Variants in TLL1 observed in about 807,000 individuals in gnomAD.
The protein encoded by TLL1 is tolloid-like protein 1.
TLL1 carries 49 observed loss-of-function variants against 128.2 expected under a neutral mutation model. That is an observed-to-expected ratio of 0.38 (90% CI 0.30 to 0.48). The LOEUF (loss-of-function observed/expected upper bound fraction) is 0.48. TLL1 is among the 20% of genes least tolerant of loss of function. The probability of loss-of-function intolerance (pLI) is 0.96; values close to 1 mark genes in which losing one functional copy is unlikely to be tolerated. For synonymous variants in TLL1, 454 were observed against 418.8 expected (o/e 1.08, Z -1.03); for missense variants, 1,123 against 1,242.0 (o/e 0.90, Z 1.44).
intron 1 of TLL1, among the ~76,000 whole-genome samples, chr4:165,985,391 T>C (rs1736350863): frequency 6.6e-6 from 1 of 152,030 alleles, no homozygotes; most frequent in South Asian, 2.1e-4. Context: ...CTTGAGGATA[T>C]TTGGTTTCCA....
intron 19 of TLL1, among the ~76,000 whole-genome samples, chr4:166,094,437 A>C (rs1460229007): frequency 6.6e-6 from 1 of 152,074 alleles, no homozygotes; most frequent in Admixed American, 6.5e-5. Flanking sequence ...ATCTTTTCAA[A>C]ATATATAAGT....
chr4:166,041,829 T>C lies in TLL1; in HGVS notation c.1262-198T>C, dbSNP rs142874758. On this transcript the variant is annotated intron_variant, in intron 10 of 20. Transcript: ENST00000061240. ...TACTCTGAGGCTGATGGTCAAATACTTTATAAATATATATGAAGACATTGT... is the reference window on the plus strand; with the variant it reads ...TACTCTGAGGCTGATGGTCAAATACCTTATAAATATATATGAAGACATTGT... Among the ~76,000 whole-genome samples, 284 of 152,352 alleles carry C rather than the reference T, an allele frequency of 1.9e-3. 5 individuals carry two copies. Among genetic ancestry groups the C allele is most frequent in the Admixed American group, 0.017 (253 of 15,294 alleles).
intron 1 of TLL1, among the ~76,000 whole-genome samples, chr4:165,889,033 C>T (rs1316279991): frequency 1.3e-5 from 2 of 152,200 alleles, no homozygotes; most frequent in Non-Finnish European, 2.9e-5. Context: ...ATATTTCACT[C>T]TTCTGTCATC....
At chr4:166,071,007 C>T (rs1169911485) in intron 16 of TLL1, among the ~76,000 whole-genome samples, 1 of 151,730 alleles carries the variant, frequency 6.6e-6, no homozygotes, top group Non-Finnish European at 1.5e-5. Flanking sequence ...TGTTGTAGCT[C>T]TCGTAGTGTT....
intron 1 of TLL1, among the ~76,000 whole-genome samples, chr4:165,969,179 A>G (rs975853357): frequency 1.3e-5 from 2 of 152,064 alleles, no homozygotes; most frequent in South Asian, 2.1e-4. Context: ...TGGAAATTTT[A>G]TCTTGCCAAT....
intron 12 of TLL1, among the ~76,000 whole-genome samples, chr4:166,046,793 G>T (rs1739477153): frequency 6.6e-6 from 1 of 152,168 alleles, no homozygotes; most frequent in African/African-American, 2.4e-5. Flanking sequence ...ACAAAATGTT[G>T]TGACTAGAAT....
At chr4:166,086,077 G>A (rs369714306) in intron 18 of TLL1, among the ~76,000 whole-genome samples, 45 of 152,082 alleles carry the variant, frequency 3.0e-4, no homozygotes, top group East Asian at 1.2e-3. Context: ...TGATCTAGCA[G>A]TTATAGATAA....
chr4:166,096,905 T>C lies in TLL1; in HGVS notation c.2657-2372T>C, dbSNP rs1028057287. Among the ~76,000 whole-genome samples the C allele has an allele frequency of 2.6e-5, 4 of 152,296 alleles. No homozygotes were observed. In the East Asian group the frequency reaches 7.7e-4, roughly 29 times the overall value. On this transcript the variant is annotated intron_variant, in intron 19 of 20. Transcript: ENST00000061240. Reference sequence around the variant, plus strand: ...AGATTAATAGTGCTTTAAATTGTTGTTCAATTTTCCTGGTTTTTCATTTCA... The same window carrying C: ...AGATTAATAGTGCTTTAAATTGTTGCTCAATTTTCCTGGTTTTTCATTTCA...
At chr4:165,883,153 A>G (rs1019851822) in intron 1 of TLL1, among the ~76,000 whole-genome samples, 1 of 152,168 alleles carries the variant, frequency 6.6e-6, no homozygotes, top group Non-Finnish European at 1.5e-5. Context: ...TGCTTCAAAA[A>G]CAAGTGTCCT....
intron 9 of TLL1, among the ~76,000 whole-genome samples, chr4:166,034,239 G>A (rs149399719): frequency 1.5e-3 from 223 of 152,246 alleles, no homozygotes; most frequent in African/African-American, 4.9e-3. Context: ...GAAGATCCAT[G>A]CATGACTGAA....
At chr4:165,920,350 AT>A (rs35199166) in intron 1 of TLL1, among the ~76,000 whole-genome samples, 1 of 152,216 alleles carries the variant, frequency 6.6e-6, no homozygotes, top group African/African-American at 2.4e-5. Flanking sequence ...AATAGTTTTA[AT>A]TTTGCTAGAG....
chr4:166,038,145 T>A (rs138731467), intron 9 of TLL1, among the ~76,000 whole-genome samples: 3 of 152,186 alleles, frequency 2.0e-5, no homozygotes, highest in African/African-American at 7.2e-5. Context: ...CAGCACAGAA[T>A]TGGTAATACT....
chr4:165,908,574 C>T (rs1732379978), intron 1 of TLL1, among the ~76,000 whole-genome samples: 1 of 146,656 alleles, frequency 6.8e-6, no homozygotes, highest in East Asian at 2.0e-4. Flanking sequence ...CAGAGTGAGA[C>T]CCTGTCTCAA....
chr4:166,035,142 A>G (rs1422188256), intron 9 of TLL1, among the ~76,000 whole-genome samples: 1 of 152,182 alleles, frequency 6.6e-6, no homozygotes, highest in Non-Finnish European at 1.5e-5. Flanking sequence ...GGTGTAAAAA[A>G]TGTTCTGATG....
chr4:165,896,546 G>T (rs1185528782), intron 1 of TLL1, among the ~76,000 whole-genome samples: 1 of 135,108 alleles, frequency 7.4e-6, no homozygotes, highest in Non-Finnish European at 1.5e-5. Flanking sequence ...GCAGTGGCAT[G>T]ATCTTGTCTC....
chr4:165,938,437 C>T (rs1209503194), intron 1 of TLL1, among the ~76,000 whole-genome samples: 1 of 152,112 alleles, frequency 6.6e-6, no homozygotes, highest in Non-Finnish European at 1.5e-5. Context: ...CAGTCTGGTG[C>T]TTCCGCCTGA....
At chr4:165,893,291 G>C (rs1043111005) in intron 1 of TLL1, among the ~76,000 whole-genome samples, 5 of 152,108 alleles carry the variant, frequency 3.3e-5, no homozygotes, top group African/African-American at 1.2e-4. Flanking sequence ...AAAATATATG[G>C]AGCAATAGTT....
At chr4:165,934,019 A>G (rs1733653284) in intron 1 of TLL1, among the ~76,000 whole-genome samples, 1 of 151,450 alleles carries the variant, frequency 6.6e-6, no homozygotes, top group East Asian at 1.9e-4. Flanking sequence ...TTTTTTTGAG[A>G]TGGAGTTTTG....
chr4:165,976,242 G>A (rs1033928966), intron 1 of TLL1, among the ~76,000 whole-genome samples: 5 of 152,044 alleles, frequency 3.3e-5, no homozygotes, highest in African/African-American at 1.2e-4. Flanking sequence ...CAATGGAAAT[G>A]TTCAGGATAT....
Sources: gnomAD v4.1 joint callset for allele counts (sites outside exome capture counted in the v4.1 genomes callset) on GRCh38, gnomAD v4.1.1 for gene constraint, MANE v1.5 for transcripts, NCBI Gene and HGNC (gene_info 2026-07-23, HGNC 2026-07-21) for gene names.